CACUL1: variants seen among roughly 807,000 people sequenced by gnomAD.
CACUL1 encodes CDK2 associated cullin domain 1.
In CACUL1, 13 loss-of-function variants were observed where a neutral mutation model predicts 45.2. The observed-to-expected ratio is 0.29, with a 90% confidence interval of 0.19 to 0.46. The LOEUF (loss-of-function observed/expected upper bound fraction) is 0.46. CACUL1 is among the 20% of genes least tolerant of loss of function. The pLI, the probability that CACUL1 is intolerant of heterozygous loss-of-function variation, is 1.00. For synonymous variants in CACUL1, 197 were observed against 174.2 expected, an observed-to-expected ratio of 1.13 and a Z score of -1.03; for missense variants, 421 against 471.4, an observed-to-expected ratio of 0.89 and a Z score of 0.99.
intron 3 of CACUL1, among the ~76,000 whole-genome samples, chr10:118,710,465 G>A (rs1845474283): frequency 6.6e-6 from 1 of 152,086 alleles, no homozygotes; most frequent in South Asian, 2.1e-4. Context: ...TACACCTCTG[G>A]TTGCACAGCA....
At chr10:118,706,598 GT>G (rs1213986237) in intron 4 of CACUL1, among the ~76,000 whole-genome samples, 1 of 152,116 alleles carries the variant, frequency 6.6e-6, no homozygotes, top group Non-Finnish European at 1.5e-5. Flanking sequence ...TCATAAAGGA[GT>G]TTTGGCACTT....
intron 1 of CACUL1, among the ~76,000 whole-genome samples, chr10:118,732,193 T>C (rs1235055082): frequency 6.6e-6 from 1 of 152,136 alleles, no homozygotes; most frequent in Admixed American, 6.5e-5. Context: ...TGTGAGCTGA[T>C]ATGGGGTTGG....
intron 7 of CACUL1, among the ~76,000 whole-genome samples, chr10:118,688,864 A>C (rs1359210795): frequency 5.9e-5 from 9 of 152,234 alleles, no homozygotes; most frequent in Non-Finnish European, 8.8e-5. Flanking sequence ...TCAAATGAGA[A>C]TCCACTAACT....
intron 3 of CACUL1, 96 bp downstream of exon 3, chr10:118,729,199 T>G: frequency 6.7e-6 from 5 of 745,682 alleles, no homozygotes. Flanking sequence ...TATATCATAA[T>G]CAAATTAACA....
chr10:118,741,383 A>G (rs1342804562), intron 1 of CACUL1, among the ~76,000 whole-genome samples: 3 of 152,122 alleles, frequency 2.0e-5, no homozygotes, highest in African/African-American at 7.2e-5. Flanking sequence ...AAGGCACAGG[A>G]AATGAGAAAA....
intron 1 of CACUL1, among the ~76,000 whole-genome samples, chr10:118,749,325 G>A (rs1465993206): frequency 6.6e-6 from 1 of 151,498 alleles, no homozygotes; most frequent in South Asian, 2.1e-4. Context: ...CAGCAGAATG[G>A]CTTGGATTTC....
intron 8 of CACUL1, 41 bp from the exon 9 acceptor site, chr10:118,686,209 C>T: frequency 2.0e-6 from 3 of 1,533,074 alleles, no homozygotes; most frequent in Non-Finnish European, 9.0e-7. Context: ...GAAGAGCAGA[C>T]AGCATTTGAT....
At chr10:118,697,810 T>G (rs746101936) in intron 5 of CACUL1, among the ~76,000 whole-genome samples, 1 of 152,236 alleles carries the variant, frequency 6.6e-6, no homozygotes, top group Non-Finnish European at 1.5e-5. Flanking sequence ...TTTCTATCAT[T>G]AATTAACCCC....
chr10:118,750,664 CCA>C (rs1016440608), intron 1 of CACUL1, among the ~76,000 whole-genome samples: 7 of 152,238 alleles, frequency 4.6e-5, no homozygotes, highest in African/African-American at 1.4e-4. Flanking sequence ...ACTATCTGGT[CCA>C]CAGAGACTTC....
At position 118,691,402 on chromosome 10, in the gene CACUL1, C is replaced by T. The variant is rs1341382437; in HGVS notation, c.888G>A (p.Glu296=). 11 of 1,610,280 alleles carry T rather than the reference C, an allele frequency of 6.8e-6. No homozygotes were observed. Among genetic ancestry groups the T allele is most frequent in the South Asian group, 4.4e-5 (4 of 90,828 alleles). Residue 296 remains glutamate, a splice_region_variant and synonymous_variant, in exon 7 of 9, where the codon GAG becomes GAA. Coordinates refer to ENST00000369151, the MANE Select transcript of CACUL1 (RefSeq NM_153810.5). ...IVKGLYTLRP[E]WVQMAPTLFS... is the part of the protein sequence containing the mutation. ...ATAGAGTTGGAGCCATCTGAACCCA[C>T]TCTGTGAGGAAAGGAAACAATTCAT...
rs569355545 is a variant in CACUL1 at position 118,724,638 on chromosome 10, T to C, written c.597+4657A>G. On this transcript the variant is annotated intron_variant, in intron 3 of 8. Coordinates refer to ENST00000369151, the MANE Select transcript of CACUL1 (RefSeq NM_153810.5). Reference sequence around the variant, plus strand: ...CTATCAAATTAGGGTTTTTAGGTTGTTCAGCCAAAAGAAGAGACTGCAGGA... The same window carrying C: ...CTATCAAATTAGGGTTTTTAGGTTGCTCAGCCAAAAGAAGAGACTGCAGGA... Among the ~76,000 whole-genome samples the C allele has an allele frequency of 4.6e-5, 7 of 152,244 alleles. No individual in the cohort carries two copies. In the East Asian group the frequency reaches 1.2e-3, roughly 25 times the overall value.
In CACUL1 at chr10:118,702,584, C is replaced by CT. The variant is rs35241397; in HGVS notation, c.694-1177dup. ...TGGCAAGTCAAAGTTTTTCTTTTTT[C>CT]TTTTTTTTTTTTTTGAGACAGAGTT... On this transcript the variant is annotated intron_variant, in intron 4 of 8. Transcript: ENST00000369151. 3.4e-3 allele frequency among the ~76,000 whole-genome samples: 477 copies of CT among 138,850 alleles called. 1 individual carries two copies. Among genetic ancestry groups the CT allele is most frequent in the Admixed American group, 6.3e-3 (88 of 13,890 alleles). 91.1% of individuals were successfully genotyped at this position (138,850 alleles called of 152,430 possible).
intron 5 of CACUL1, among the ~76,000 whole-genome samples, chr10:118,696,383 C>T (rs1845323070): frequency 6.6e-6 from 1 of 152,222 alleles, no homozygotes; most frequent in Non-Finnish European, 1.5e-5. Context: ...TGGCTCACGC[C>T]TGTAATCCCA....
chr10:118,704,069 G>A (rs888596848), intron 4 of CACUL1, among the ~76,000 whole-genome samples: 6 of 151,514 alleles, frequency 4.0e-5, no homozygotes, highest in Admixed American at 4.0e-4. Context: ...GTGACAGAGC[G>A]AGACTCCGTC....
At position 118,706,625 on chromosome 10, in the gene CACUL1, G is replaced by A. The variant is rs10787855; in HGVS notation, c.693+867C>T. Among the ~76,000 whole-genome samples, 45 of 152,158 alleles carry A rather than the reference G, an allele frequency of 3.0e-4. 1 individual carries two copies. The highest frequency in any genetic ancestry group is 2.6e-4 in the Admixed American group (4 of 15,294). On this transcript the variant is annotated intron_variant, in intron 4 of 8. Transcript: ENST00000369151. ...TTTGGCACTTAAACCAAAAGAAAAG[G>A]CTTTTTATACATTTCTTTCTTGGTA...
intron 6 of CACUL1, 100 bp from the exon 7 acceptor site, chr10:118,691,503 T>A (rs1192431794): frequency 2.8e-6 from 3 of 1,065,894 alleles, no homozygotes; most frequent in Non-Finnish European, 4.2e-6. Context: ...TAAGCCAAAT[T>A]TAAGCAGGGG....
At chr10:118,695,044 T>G in intron 6 of CACUL1, 97 bp downstream of exon 6, 1 of 739,742 alleles carries the variant, frequency 1.4e-6, no homozygotes, top group Non-Finnish European at 2.4e-6. Flanking sequence ...CAAATCCAAG[T>G]ACCATTAAGC....
At chr10:118,744,026 A>G (rs184498047) in intron 1 of CACUL1, among the ~76,000 whole-genome samples, 2 of 152,360 alleles carry the variant, frequency 1.3e-5, no homozygotes. Flanking sequence ...ATCTGGGTAA[A>G]TACAAAACAC....
rs1845101926 is a variant in CACUL1, at chr10:118,676,819, T to A, written c.*9309A>T. The A allele has an allele frequency of 7.1e-6, 1 of 141,132 alleles. No individual in the cohort carries two copies. Among genetic ancestry groups the A allele is most frequent in the Non-Finnish European group, 1.5e-5 (1 of 65,808 alleles). 8.7% of individuals were successfully genotyped at this position (141,132 alleles called of 1,614,324 possible). A position where few individuals can be genotyped will look rare whatever the true frequency, so the allele number is the denominator to read the frequency against. On this transcript the variant is annotated 3_prime_UTR_variant, in exon 9 of 9. Coordinates refer to ENST00000369151, the MANE Select transcript of CACUL1 (RefSeq NM_153810.5). ...TAACATATGTTCAAATTTAAACATT[T>A]TAAAATATATATGTCTATGTACACA...
Sources: allele counts gnomAD v4.1 joint callset (sites outside exome capture counted in the v4.1 genomes callset), GRCh38; gene constraint gnomAD v4.1.1; transcripts MANE v1.5; gene names NCBI Gene and HGNC (gene_info 2026-07-23, HGNC 2026-07-21).